SAMD8: variants seen among roughly 807,000 people sequenced by gnomAD.
SAMD8 encodes the protein sphingomyelin synthase-related protein 1.
A neutral mutation model predicts 42.0 loss-of-function variants in SAMD8; 20 were observed. That is an observed-to-expected ratio of 0.48 (90% CI 0.34 to 0.69). The LOEUF is 0.69. Ranked by LOEUF, SAMD8 falls within the 30% of genes least tolerant of loss-of-function variation. SAMD8 has a pLI of 0.01. For synonymous variants in SAMD8, 162 were observed against 173.0 expected (o/e 0.94, Z 0.50); for missense variants, 328 against 511.6 (o/e 0.64, Z 3.46).
rs570678211 is a variant in SAMD8 at position 75,168,819 on chromosome 10, A to G, written c.792+161A>G. The stretch of plus-strand genomic sequence containing the variant: ...AATAATTTGGTAAAAGTCTTAAGCC[A>G]GATTCTACCTCTCTCTTATTTCTGT... On this transcript the variant is annotated intron_variant, in intron 4 of 5. Coordinates refer to ENST00000542569, the MANE Select transcript of SAMD8 (RefSeq NM_001174156.2). Among the ~76,000 whole-genome samples the G allele has an allele frequency of 2.2e-4, 34 of 152,382 alleles. No individual in the cohort carries two copies. The East Asian group carries it at 6.6e-3, about 29-fold the overall frequency.
chr10:75,126,054 C>T (rs1015611196), intron 1 of SAMD8, among the ~76,000 whole-genome samples: 12 of 152,224 alleles, frequency 7.9e-5, no homozygotes, highest in African/African-American at 2.4e-4. Flanking sequence ...TTCCTGCCTT[C>T]ATACTTTGGT....
At chr10:75,108,904 G>A, upstream of SAMD8, 1 of 1,442,948 alleles carries the variant, frequency 6.9e-7, no homozygotes. Flanking sequence ...GATGGTCAGA[G>A]CAGAGCTATT....
chr10:75,125,933 A>G (rs1365198043), intron 1 of SAMD8: 1 of 152,202 alleles, frequency 6.6e-6, no homozygotes, highest in Non-Finnish European at 1.5e-5. Flanking sequence ...AGTGGAGATT[A>G]TACTAAAAAC....
At chr10:75,117,573 T>C (rs10824277) in intron 1 of SAMD8, among the ~76,000 whole-genome samples, 28,726 of 151,944 alleles carry the variant, frequency 0.19, 2,982 homozygotes, top group East Asian at 0.26. Context: ...AAAAATTAGC[T>C]GGGCGTGGTG....
intron 1 of SAMD8, among the ~76,000 whole-genome samples, chr10:75,124,692 C>G (rs1211825046): frequency 2.0e-4 from 30 of 151,488 alleles, no homozygotes. Context: ...GCTCTCTCTT[C>G]TGTTCCTCTA....
intron 2 of SAMD8, among the ~76,000 whole-genome samples, chr10:75,161,023 G>A (rs565496596): frequency 1.3e-5 from 2 of 152,180 alleles, no homozygotes; most frequent in East Asian, 3.9e-4. Flanking sequence ...AGCCGCGATT[G>A]CGCCACTGTA....
At chr10:75,132,453 C>T (rs10762660) in intron 1 of SAMD8, among the ~76,000 whole-genome samples, 37,707 of 151,936 alleles carry the variant, frequency 0.25, 5,141 homozygotes, top group East Asian at 0.56. Flanking sequence ...CTCTGGGGAA[C>T]TGACAGGGTC....
intron 4 of SAMD8, among the ~76,000 whole-genome samples, chr10:75,174,422 C>T (rs1199156199): frequency 2.2e-4 from 33 of 149,830 alleles, no homozygotes; most frequent in Non-Finnish European, 4.3e-4. Flanking sequence ...AGCCACCGTG[C>T]CTGGCCTCTT....
At chr10:75,114,438 A>T (rs1278299222) in intron 1 of SAMD8, among the ~76,000 whole-genome samples, 1 of 152,198 alleles carries the variant, frequency 6.6e-6, no homozygotes, top group African/African-American at 2.4e-5. Context: ...TTTCAGTACC[A>T]TAACCCCCCT....
In SAMD8 at chr10:75,181,051, C is replaced by CTAAA. The variant is rs1262562320; in HGVS notation, c.*4360_*4363dup. 5 of 152,196 alleles carry CTAAA rather than the reference C, an allele frequency of 3.3e-5. No homozygotes were observed. The highest frequency in any genetic ancestry group is 1.2e-4 in the African/African-American group (5 of 41,528). The allele number at this position is 152,196 out of a possible 1,614,324, so 9.4% of individuals were successfully genotyped here. On this transcript the variant is annotated 3_prime_UTR_variant, in exon 6 of 6. Coordinates refer to ENST00000542569, the MANE Select transcript of SAMD8 (RefSeq NM_001174156.2). ...TTTATAGACTTACATTTTCTTCATA[C>CTAAA]TAAAGGTAATGATAATATAGTCATT...
intron 1 of SAMD8, among the ~76,000 whole-genome samples, chr10:75,115,772 C>G (rs1251066563): frequency 1.3e-5 from 2 of 151,958 alleles, no homozygotes; most frequent in African/African-American, 4.8e-5. Flanking sequence ...AACCCCGTCT[C>G]TACTAAAAAT....
intron 1 of SAMD8, among the ~76,000 whole-genome samples, chr10:75,145,748 C>G (rs2134470020): frequency 6.6e-6 from 1 of 152,274 alleles, no homozygotes; most frequent in African/African-American, 2.4e-5. Context: ...TGTCTTCAGA[C>G]ATTGCCAAAT....
At chr10:75,155,920 C>G (rs1042461922) in intron 2 of SAMD8, among the ~76,000 whole-genome samples, 1 of 152,282 alleles carries the variant, frequency 6.6e-6, no homozygotes, top group Admixed American at 6.5e-5. Context: ...TTTTAAAATA[C>G]TGTTCCCAGG....
At chr10:75,108,127 G>A (rs780828456), upstream of SAMD8, 8 of 1,613,700 alleles carry the variant, frequency 5.0e-6, no homozygotes, top group South Asian at 5.5e-5. Flanking sequence ...GGGCCGCCCT[G>A]ACAGTAGAGG....
chr10:75,168,008 T>C (rs1840732270), intron 3 of SAMD8, among the ~76,000 whole-genome samples: 2 of 152,176 alleles, frequency 1.3e-5, no homozygotes, highest in Non-Finnish European at 2.9e-5. Flanking sequence ...TATTTTCTTT[T>C]TTTTTGAGAC....
chr10:75,122,844 C>CT (rs952827453), intron 1 of SAMD8, among the ~76,000 whole-genome samples: 1 of 151,948 alleles, frequency 6.6e-6, no homozygotes, highest in African/African-American at 2.4e-5. Context: ...TTGTTAGATG[C>CT]TTTTTTTATT....
chr10:75,145,215 G>T (rs532710333), intron 1 of SAMD8, among the ~76,000 whole-genome samples: 7 of 152,140 alleles, frequency 4.6e-5, no homozygotes, highest in Non-Finnish European at 1.0e-4. Context: ...AAAGTGCAGG[G>T]ATTACAGGCG....
intron 4 of SAMD8, among the ~76,000 whole-genome samples, chr10:75,172,242 G>A (rs952108873): frequency 6.6e-6 from 1 of 151,992 alleles, no homozygotes; most frequent in Non-Finnish European, 1.5e-5. Context: ...CATGGTGTGC[G>A]CAGTTTCTTC....
intron 1 of SAMD8, among the ~76,000 whole-genome samples, chr10:75,127,130 A>G (rs1243689135): frequency 6.6e-6 from 1 of 151,772 alleles, no homozygotes; most frequent in Non-Finnish European, 1.5e-5. Context: ...CAGAGGTTGC[A>G]ATAAGCTGAG....
Sources: gnomAD v4.1 joint callset for allele counts (sites outside exome capture counted in the v4.1 genomes callset) on GRCh38, gnomAD v4.1.1 for gene constraint, MANE v1.5 for transcripts, NCBI Gene and HGNC (gene_info 2026-07-23, HGNC 2026-07-21) for gene names.